Variants in RBFOX1 observed in about 807,000 individuals in gnomAD.
The protein encoded by RBFOX1 is RNA binding fox-1 homolog 1.
Under a neutral mutation model 57.7 loss-of-function variants are expected in RBFOX1, and 8 were observed. The ratio of observed to expected loss-of-function variants is 0.14; its 90% CI spans 0.08 to 0.25. The LOEUF is 0.25. RBFOX1 is among the 10% of genes least tolerant of loss of function. The pLI, the probability that RBFOX1 is intolerant of heterozygous loss-of-function variation, is 1.00. For missense variants in RBFOX1, 611 were observed against 548.5 expected (o/e 1.11, Z -1.14); for synonymous variants, 326 against 222.4 (o/e 1.47, Z -4.15).
intron 1 of RBFOX1, among the ~76,000 whole-genome samples, chr16:6,193,378 A>AG (rs2097155873): frequency 1.9e-4 from 11 of 56,784 alleles, no homozygotes; most frequent in Non-Finnish European, 1.3e-4. Flanking sequence ...ATATATATAC[A>AG]TTATATATAT....
chr16:6,124,231 A>C (rs568130564), intron 1 of RBFOX1, among the ~76,000 whole-genome samples: 1 of 152,324 alleles, frequency 6.6e-6, no homozygotes, highest in Non-Finnish European at 1.5e-5. Flanking sequence ...TGCTGGGTCC[A>C]CATTCTCCTT....
At chr16:6,411,874 C>A (rs916691658) in intron 2 of RBFOX1, among the ~76,000 whole-genome samples, 1 of 151,992 alleles carries the variant, frequency 6.6e-6, no homozygotes, top group Non-Finnish European at 1.5e-5. Context: ...TGGCTCACGC[C>A]TGTAATCCCA....
At chr16:5,537,564 C>T (rs1567206090) in intron 2 of RBFOX1, among the ~76,000 whole-genome samples, 1 of 152,188 alleles carries the variant, frequency 6.6e-6, no homozygotes. Context: ...GAAATCACTT[C>T]CTTGTGGTTG....
intron 2 of RBFOX1, among the ~76,000 whole-genome samples, chr16:6,620,532 T>C (rs905919874): frequency 6.6e-6 from 1 of 151,126 alleles, no homozygotes; most frequent in South Asian, 2.1e-4. Flanking sequence ...CGAAAAACCA[T>C]TCAAAAGATC....
In RBFOX1 at chr16:7,636,286, G is replaced by GA. The variant is rs2061741560; in HGVS notation, c.757+5608dup. Among the ~76,000 whole-genome samples the GA allele has an allele frequency of 2.0e-5, 3 of 152,198 alleles. No individual in the cohort carries two copies. In the South Asian group the frequency reaches 6.2e-4, roughly 32 times the overall value. ...TGCTCTATTTTGCAAATTGCATAGT[G>GA]AAAAATAACATCTCAATTTGTTTTA... On this transcript the variant is annotated intron_variant, in intron 11 of 15. Transcript: ENST00000550418.
At chr16:7,192,893 C>A (rs187462572) in intron 4 of RBFOX1, among the ~76,000 whole-genome samples, 1 of 152,280 alleles carries the variant, frequency 6.6e-6, no homozygotes, top group African/African-American at 2.4e-5. Flanking sequence ...TGTTACTTCG[C>A]CAGTCTCACA....
chr16:5,321,310 A>G (rs1000627589), intron 1 of RBFOX1, among the ~76,000 whole-genome samples: 4 of 139,826 alleles, frequency 2.9e-5, no homozygotes, highest in African/African-American at 1.0e-4. Context: ...AACATGAGAT[A>G]TAAGAGATAA....
chr16:5,400,663 T>C (rs893400965), intron 1 of RBFOX1, among the ~76,000 whole-genome samples: 2 of 150,152 alleles, frequency 1.3e-5, no homozygotes, highest in African/African-American at 2.5e-5. Context: ...TTGGGCATGA[T>C]TGATTTTTTT....
At chr16:7,249,387 C>G (rs1015391813) in intron 4 of RBFOX1, among the ~76,000 whole-genome samples, 3 of 152,038 alleles carry the variant, frequency 2.0e-5, no homozygotes, top group African/African-American at 4.8e-5. Context: ...TTTGCAGGAA[C>G]CTGGGGACAT....
At chr16:6,892,668 G>C (rs138713721) in intron 3 of RBFOX1, among the ~76,000 whole-genome samples, 5 of 144,486 alleles carry the variant, frequency 3.5e-5, no homozygotes, top group African/African-American at 1.0e-4. Flanking sequence ...GGGCTGTCTC[G>C]AAACAAACAA....
chr16:7,599,638 C>CTTTTTTTTTTTTTTTTTTTTTTTTTTTT lies in RBFOX1; in HGVS notation c.622+2219_622+2220insTTTTTTTTTTTTTTTTTTTTTTTTTTTT, dbSNP rs542898195. Among the ~76,000 whole-genome samples, 7 of 62,804 alleles carry CTTTTTTTTTTTTTTTTTTTTTTTTTTTT rather than the reference C, an allele frequency of 1.1e-4. 3 individuals carry two copies. Among genetic ancestry groups the CTTTTTTTTTTTTTTTTTTTTTTTTTTTT allele is most frequent in the African/African-American group, 3.0e-4 (6 of 20,312 alleles). The allele number at this position is 62,804 out of a possible 152,430, so 41.2% of individuals were successfully genotyped here. ...GAGAAGATGAAGAAATTAATAAAGA[C>CTTTTTTTTTTTTTTTTTTTTTTTTTTTT]TTTTTTTTTTTTCTTTTTTTTTTTT... On this transcript the variant is annotated intron_variant, in intron 9 of 15. Coordinates refer to ENST00000550418, the MANE Select transcript of RBFOX1 (RefSeq NM_018723.4).
At chr16:5,398,491 TGTG>T (rs1219483881) in intron 1 of RBFOX1, among the ~76,000 whole-genome samples, 2 of 152,094 alleles carry the variant, frequency 1.3e-5, no homozygotes, top group African/African-American at 4.8e-5. Flanking sequence ...CACTTGTGCT[TGTG>T]GGTGTGCATG....
intron 1 of RBFOX1, among the ~76,000 whole-genome samples, chr16:5,256,977 C>G (rs529724112): frequency 2.6e-5 from 4 of 152,062 alleles, no homozygotes; most frequent in East Asian, 1.9e-4. Flanking sequence ...TCCTCCATCT[C>G]TCTCCTGGGG....
At chr16:5,738,709 G>C (rs563190458) in intron 3 of RBFOX1, among the ~76,000 whole-genome samples, 53 of 151,788 alleles carry the variant, frequency 3.5e-4, no homozygotes, top group African/African-American at 1.1e-3. Flanking sequence ...TCTGACTGCA[G>C]GTTTTCCACT....
rs60637926 is a variant in RBFOX1 at position 6,344,407 on chromosome 16, C to CTTTTTTTTTTTTTTTTTTTTTTTTTTTT, written c.-64+27362_-64+27363insTTTTTTTTTTTTTTTTTTTTTTTTTTTT. ...TCTCTTCTTCTTTTTTCTTTTTTTT[C>CTTTTTTTTTTTTTTTTTTTTTTTTTTTT]TTTTTTTTTTTTGAGACAGAGTCTC... On this transcript the variant is annotated intron_variant, in intron 2 of 15. Transcript: ENST00000550418. 5.0e-4 allele frequency among the ~76,000 whole-genome samples: 55 copies of CTTTTTTTTTTTTTTTTTTTTTTTTTTTT among 109,838 alleles called. 1 individual carries two copies. Among genetic ancestry groups the CTTTTTTTTTTTTTTTTTTTTTTTTTTTT allele is most frequent in the African/African-American group, 1.0e-3 (24 of 22,968 alleles). The allele number at this position is 109,838 out of a possible 152,430, so 72.1% of individuals were successfully genotyped here.
At chr16:6,521,310 G>A (rs767900956) in intron 2 of RBFOX1, among the ~76,000 whole-genome samples, 1 of 152,070 alleles carries the variant, frequency 6.6e-6, no homozygotes. Flanking sequence ...AATTTCTGAA[G>A]CCCAAGACAT....
At chr16:5,881,693 T>A (rs1439296448) in intron 4 of RBFOX1, among the ~76,000 whole-genome samples, 1 of 152,046 alleles carries the variant, frequency 6.6e-6, no homozygotes, top group Non-Finnish European at 1.5e-5. Context: ...AAAAAAGTTT[T>A]TTTAAAAAAA....
At chr16:7,001,719 G>A (rs925301315) in intron 3 of RBFOX1, among the ~76,000 whole-genome samples, 2 of 152,020 alleles carry the variant, frequency 1.3e-5, no homozygotes, top group African/African-American at 4.8e-5. Context: ...GGCCTCCCAC[G>A]GTGCTGGGAT....
intron 4 of RBFOX1, among the ~76,000 whole-genome samples, chr16:7,097,773 G>C (rs1482491706): frequency 3.3e-5 from 5 of 152,190 alleles, no homozygotes; most frequent in African/African-American, 9.7e-5. Flanking sequence ...CAGAGATTCT[G>C]ATGAAAAGAG....
Sources: allele counts gnomAD v4.1 joint callset (sites outside exome capture counted in the v4.1 genomes callset), GRCh38; gene constraint gnomAD v4.1.1; transcripts MANE v1.5; gene names NCBI Gene and HGNC (gene_info 2026-07-23, HGNC 2026-07-21).